SMYD3: variants seen among roughly 807,000 people sequenced by gnomAD.
SMYD3 encodes histone-lysine N-methyltransferase SMYD3.
In SMYD3, 36 loss-of-function variants were observed where a neutral mutation model predicts 57.7. The ratio of observed to expected loss-of-function variants is 0.62; its 90% CI spans 0.48 to 0.82. SMYD3 has a LOEUF of 0.82. Among genes scored for constraint, SMYD3 ranks in the 40% least tolerant of loss-of-function variants. The probability of loss-of-function intolerance (pLI) is 0.00; values close to 1 mark genes in which losing one functional copy is unlikely to be tolerated. For missense variants in SMYD3, 515 were observed against 538.8 expected (o/e 0.96, Z 0.44); for synonymous variants, 211 against 195.0 (o/e 1.08, Z -0.68).
intron 3 of SMYD3, among the ~76,000 whole-genome samples, chr1:246,333,981 C>A (rs977739672): frequency 2.6e-4 from 39 of 151,956 alleles, no homozygotes; most frequent in African/African-American, 9.4e-4. Flanking sequence ...AAATGCTCTA[C>A]GTTACTAATC....
chr1:246,221,249 T>A (rs1282644526), intron 5 of SMYD3, among the ~76,000 whole-genome samples: 1 of 152,164 alleles, frequency 6.6e-6, no homozygotes, highest in East Asian at 1.9e-4. Context: ...ACATCCTGGC[T>A]ACGGAGAGGA....
At chr1:245,754,705 A>G (rs1313969304) in intron 11 of SMYD3, among the ~76,000 whole-genome samples, 2 of 152,192 alleles carry the variant, frequency 1.3e-5, no homozygotes. Context: ...CGCTGGAGGA[A>G]TATGTCCTTT....
At chr1:246,047,629 G>A (rs766974325) in intron 5 of SMYD3, among the ~76,000 whole-genome samples, 1 of 152,146 alleles carries the variant, frequency 6.6e-6, no homozygotes, top group African/African-American at 2.4e-5. Context: ...TTGAGCCTAT[G>A]AGTTCAAGAC....
chr1:245,807,764 T>C (rs1047098528), intron 10 of SMYD3, among the ~76,000 whole-genome samples: 2 of 149,372 alleles, frequency 1.3e-5, no homozygotes, highest in Non-Finnish European at 3.0e-5. Flanking sequence ...TAAAAGTCTA[T>C]AGATTAATCC....
intron 5 of SMYD3, among the ~76,000 whole-genome samples, chr1:246,215,679 T>G (rs2878077): frequency 6.6e-6 from 1 of 151,936 alleles, no homozygotes; most frequent in Admixed American, 6.6e-5. Flanking sequence ...AGCAGCAGCA[T>G]GCCACAGAAA....
chr1:246,363,332 T>C (rs2066037323), intron 1 of SMYD3, among the ~76,000 whole-genome samples: 1 of 150,150 alleles, frequency 6.7e-6, no homozygotes, highest in Non-Finnish European at 1.5e-5. Flanking sequence ...AGCCGCCCCA[T>C]CCGGGAGGTG....
chr1:245,857,473 G>A lies in SMYD3; in HGVS notation c.1076+1023C>T, dbSNP rs1190032239. Among the ~76,000 whole-genome samples the A allele has an allele frequency of 6.0e-5, 8 of 134,046 alleles. No homozygotes were observed. In the East Asian group the frequency reaches 1.2e-3, roughly 20 times the overall value. The allele number at this position is 134,046 out of a possible 152,430, so 87.9% of individuals were successfully genotyped here. The stretch of plus-strand genomic sequence containing the variant: ...ACCCTGGACTCTCACGTTTCCACCT[G>A]CTCCTCTTCGCTTACAGCCATTCCC... On this transcript the variant is annotated intron_variant, in intron 10 of 11. Transcript: ENST00000490107.
At chr1:246,101,569 A>C (rs915329174) in intron 5 of SMYD3, among the ~76,000 whole-genome samples, 3 of 152,240 alleles carry the variant, frequency 2.0e-5, no homozygotes, top group Non-Finnish European at 4.4e-5. Context: ...AATACTTTAA[A>C]AAATATGGCT....
intron 10 of SMYD3, among the ~76,000 whole-genome samples, chr1:245,793,545 A>C (rs544675425): frequency 6.6e-6 from 1 of 151,716 alleles, no homozygotes; most frequent in South Asian, 2.1e-4. Flanking sequence ...TCCACATCTC[A>C]TTTTACCCAT....
intron 5 of SMYD3, among the ~76,000 whole-genome samples, chr1:246,029,536 G>A (rs2059630081): frequency 6.6e-6 from 1 of 151,842 alleles, no homozygotes; most frequent in African/African-American, 2.4e-5. Flanking sequence ...GCCAGGCGTG[G>A]TGACACACGC....
chr1:245,881,914 G>A (rs1005685809), intron 8 of SMYD3, among the ~76,000 whole-genome samples: 22 of 152,158 alleles, frequency 1.4e-4, no homozygotes, highest in Admixed American at 6.5e-5. Flanking sequence ...AAAGAGCTCG[G>A]CATATTCCAG....
intron 5 of SMYD3, among the ~76,000 whole-genome samples, chr1:246,126,147 C>T (rs1170937322): frequency 6.6e-6 from 1 of 152,224 alleles, no homozygotes; most frequent in East Asian, 1.9e-4. Context: ...CAACACAGCA[C>T]TGCAGCTTGG....
chr1:245,757,949 A>T (rs2045679475), intron 11 of SMYD3, among the ~76,000 whole-genome samples: 2 of 152,116 alleles, frequency 1.3e-5, no homozygotes, highest in Non-Finnish European at 2.9e-5. Context: ...GTATTTTTCT[A>T]CTTCTTCCCC....
chr1:246,378,689 TTAA>T (rs2066321062), intron 1 of SMYD3, among the ~76,000 whole-genome samples: 1 of 127,976 alleles, frequency 7.8e-6, no homozygotes. Context: ...ATATATATAC[TTAA>T]TAAACTCCCC....
intron 1 of SMYD3, among the ~76,000 whole-genome samples, chr1:246,447,937 C>T (rs1051448986): frequency 2.0e-5 from 3 of 152,246 alleles, no homozygotes; most frequent in Non-Finnish European, 4.4e-5. Flanking sequence ...CAACTTTCCA[C>T]GTCTGCTTCC....
intron 1 of SMYD3, among the ~76,000 whole-genome samples, chr1:246,422,023 G>A (rs2067151365): frequency 6.6e-6 from 1 of 152,148 alleles, no homozygotes. Flanking sequence ...ACAACCAAAA[G>A]TAATATTATA....
At chr1:246,207,977 A>T (rs1317855344) in intron 5 of SMYD3, among the ~76,000 whole-genome samples, 1 of 152,168 alleles carries the variant, frequency 6.6e-6, no homozygotes, top group Non-Finnish European at 1.5e-5. Context: ...GCCAGAGTAG[A>T]AGTAAATCTA....
intron 5 of SMYD3, among the ~76,000 whole-genome samples, chr1:246,182,229 C>T (rs1486437109): frequency 1.3e-5 from 2 of 152,090 alleles, no homozygotes; most frequent in Non-Finnish European, 2.9e-5. Context: ...TGGCCACAAA[C>T]ACTCTTATCA....
At chr1:245,780,769 A>T (rs1428550872) in intron 10 of SMYD3, among the ~76,000 whole-genome samples, 4 of 152,218 alleles carry the variant, frequency 2.6e-5, no homozygotes, top group Admixed American at 2.6e-4. Flanking sequence ...TATGAGAAAT[A>T]AAAATATATG....
Sources: allele counts gnomAD v4.1 joint callset (sites outside exome capture counted in the v4.1 genomes callset), GRCh38; gene constraint gnomAD v4.1.1; transcripts MANE v1.5; gene names NCBI Gene and HGNC (gene_info 2026-07-23, HGNC 2026-07-21).